Variants in ABCA5 observed in about 807,000 individuals in gnomAD.
ABCA5 encodes cholesterol transporter ABCA5.
A neutral mutation model predicts 206.0 loss-of-function variants in ABCA5; 163 were observed. The observed-to-expected ratio is 0.79, with a 90% confidence interval of 0.70 to 0.90. The LOEUF (loss-of-function observed/expected upper bound fraction) is 0.90, where lower values mean the gene tolerates loss of function less well. ABCA5 is among the 40% of genes least tolerant of loss of function. ABCA5 has a pLI of 0.00. For synonymous variants in ABCA5, 609 were observed against 613.8 expected (o/e 0.99, Z 0.11); for missense variants, 1,859 against 1,912.9 (o/e 0.97, Z 0.53).
intron 19 of ABCA5, among the ~76,000 whole-genome samples, chr17:69,274,519 C>G (rs1333874076): frequency 2.0e-5 from 3 of 150,380 alleles, no homozygotes; most frequent in Non-Finnish European, 4.4e-5. Context: ...CCACCTTGAC[C>G]AGCCTACATT....
At chr17:69,306,293 A>C (rs2075715759) in intron 6 of ABCA5, among the ~76,000 whole-genome samples, 1 of 152,156 alleles carries the variant, frequency 6.6e-6, no homozygotes, top group African/African-American at 2.4e-5. Flanking sequence ...TACAGACTTT[A>C]ATCACTATAA....
chr17:69,319,179 C>G (rs1370086032), intron 1 of ABCA5, among the ~76,000 whole-genome samples: 1 of 152,200 alleles, frequency 6.6e-6, no homozygotes, highest in Non-Finnish European at 1.5e-5. Context: ...GAAAGCTGTA[C>G]TCATTCAAGC....
At position 69,261,238 on chromosome 17, in the gene ABCA5, T is replaced by C. The variant is rs1233491442; in HGVS notation, c.3451A>G (p.Ile1151Val). The change falls in exon 26 of 39, where the codon ATC becomes GTC. Residue 1151 changes from isoleucine to valine, a missense_variant. Physicochemically the swap from Ile to Val is conservative, Grantham distance 29. Transcript: ENST00000392676. ...CCCATAAAGAAAGTTATTTCAGTGA[T>C]TGCAATACAAGCCAACGCTGCCTAA... ...YSVAALACIA[I>V]TEITFFMGYT... 4.4e-6 allele frequency: 7 copies of C among 1,606,238 alleles called. No homozygotes were observed. The highest frequency in any genetic ancestry group is 1.3e-5 in the African/African-American group (1 of 74,706).
At chr17:69,276,861 C>T (rs1000450061) in intron 19 of ABCA5, among the ~76,000 whole-genome samples, 4 of 151,994 alleles carry the variant, frequency 2.6e-5, no homozygotes, top group African/African-American at 7.3e-5. Context: ...TCAGTAATGC[C>T]GACCAGGGAA....
intron 1 of ABCA5, chr17:69,325,860 T>C (rs989425128): frequency 6.6e-6 from 1 of 151,852 alleles, no homozygotes; most frequent in Non-Finnish European, 1.5e-5. Context: ...AATGTACTAA[T>C]AAATTTGCTC....
chr17:69,303,785 A>AAT lies in ABCA5; in HGVS notation c.931-881_931-880dup, dbSNP rs1182494562. On this transcript the variant is annotated intron_variant, in intron 7 of 38. Coordinates refer to ENST00000392676, the MANE Select transcript of ABCA5 (RefSeq NM_172232.4). ...AAAAAAAAAAAAAAAAAAAAAAAAAAATATATATATATATATATATATACA... is the reference window on the plus strand; with the variant it reads ...AAAAAAAAAAAAAAAAAAAAAAAAAAATATATATATATATATATATATATACA... Among the ~76,000 whole-genome samples the AAT allele has an allele frequency of 8.4e-3, 40 of 4,742 alleles. 2 individuals carry two copies. Among genetic ancestry groups the AAT allele is most frequent in the African/African-American group, 9.7e-3 (40 of 4,134 alleles). The allele number at this position is 4,742 out of a possible 152,430, so 3.1% of individuals were successfully genotyped here. A position where few individuals can be genotyped will look rare whatever the true frequency, so the allele number is the denominator to read the frequency against.
chr17:69,300,330 G>A (rs917367672), intron 9 of ABCA5, among the ~76,000 whole-genome samples: 3 of 152,190 alleles, frequency 2.0e-5, no homozygotes, highest in Non-Finnish European at 4.4e-5. Flanking sequence ...GGTAATGCAA[G>A]CAATGAGGAG....
intron 1 of ABCA5, among the ~76,000 whole-genome samples, chr17:69,324,549 G>A (rs1444810547): frequency 3.3e-5 from 5 of 152,300 alleles, no homozygotes; most frequent in South Asian, 4.1e-4. Flanking sequence ...TCACAACTGT[G>A]AGTCATGTTT....
chr17:69,278,465 G>C (rs2075357124), intron 18 of ABCA5, among the ~76,000 whole-genome samples: 1 of 152,148 alleles, frequency 6.6e-6, no homozygotes, highest in African/African-American at 2.4e-5. Context: ...CTCAGGCTCA[G>C]TTTTCAGCCA....
rs2075262424 is a variant in ABCA5 at position 69,270,665 on chromosome 17, T to C, written c.2978A>G (p.Tyr993Cys). ...GATGGTTTCAGTCACATTTAAATGA[T>C]AAAGATAGTAGTTACTAATGATATT... is the stretch of plus-strand genomic sequence containing the variant. ...LVNIISNYYL[Y>C]HLNVTETIQI... The change falls in exon 22 of 39, where the codon TAT (tyrosine) becomes TGT (cysteine). Residue 993 changes from tyrosine (Y) to cysteine (C), a missense_variant. Physicochemically the swap from Tyr to Cys is radical, Grantham distance 194. Transcript: ENST00000392676. 6.2e-7 allele frequency: 1 copy of C among 1,603,404 alleles called. No homozygotes were observed. Among genetic ancestry groups the C allele is most frequent in the South Asian group, 1.1e-5 (1 of 88,522 alleles).
intron 1 of ABCA5, among the ~76,000 whole-genome samples, chr17:69,324,513 C>T (rs1329623592): frequency 2.0e-5 from 3 of 152,172 alleles, no homozygotes; most frequent in Admixed American, 6.5e-5. Context: ...AATTTGTGCA[C>T]TCATATCTTT....
chr17:69,313,410 T>C, intron 2 of ABCA5, 114 bp from the exon 3 acceptor site: 1 of 393,938 alleles, frequency 2.5e-6, no homozygotes, highest in Non-Finnish European at 3.9e-6. Context: ...GGTTGTCCTT[T>C]CTTATGAATA....
At chr17:69,281,853 T>C (rs2075397060) in intron 18 of ABCA5, among the ~76,000 whole-genome samples, 2 of 152,210 alleles carry the variant, frequency 1.3e-5, no homozygotes, top group Non-Finnish European at 2.9e-5. Flanking sequence ...ATTCTTGACT[T>C]TGGTATCACA....
chr17:69,256,313 G>A (rs375518324), intron 28 of ABCA5, 30 bp from the exon 29 acceptor site: 3 of 1,412,860 alleles, frequency 2.1e-6, no homozygotes, highest in African/African-American at 1.5e-5. Flanking sequence ...ATAAAAGACA[G>A]TAGGTTTTCA....
chr17:69,317,588 G>A (rs963812388), intron 1 of ABCA5: 1 of 152,040 alleles, frequency 6.6e-6, no homozygotes, highest in African/African-American at 2.4e-5. Flanking sequence ...TCAGAGGCCA[G>A]GGAGAGTAAA....
intron 14 of ABCA5, 113 bp from the exon 15 acceptor site, chr17:69,287,864 A>T: frequency 9.8e-7 from 1 of 1,018,608 alleles, no homozygotes; most frequent in Middle Eastern, 2.6e-4. Flanking sequence ...TCAATCAGAA[A>T]TATATTAGAT....
At position 69,291,315 on chromosome 17, in the gene ABCA5, C is replaced by T; in HGVS notation, c.1507G>A (p.Asp503Asn). 6.3e-7 allele frequency: 1 copy of T among 1,597,904 alleles called. No homozygotes were observed. Among genetic ancestry groups the T allele is most frequent in the Non-Finnish European group, 8.6e-7 (1 of 1,167,432 alleles). ...NVEALRNLSF[D>N]IYEGQITALL... is the part of the protein sequence containing the mutation. ...GCAGTAATCTGACCCTCATATATGTCAAATGACAAATCTAGTTCAGGAAAA... is the reference window on the plus strand; with the variant it reads ...GCAGTAATCTGACCCTCATATATGTTAAATGACAAATCTAGTTCAGGAAAA... Residue 503 changes from aspartate (D) to asparagine (N), a missense_variant, in exon 12 of 39, where the codon GAC (aspartate) becomes AAC (asparagine). Transcript: ENST00000392676.
chr17:69,262,018 TTATTA>T (rs1482989955), intron 24 of ABCA5, among the ~76,000 whole-genome samples: 4 of 77,896 alleles, frequency 5.1e-5, no homozygotes, highest in African/African-American at 8.9e-5. Context: ...AAGAAAAACA[TTATTA>T]TTTTATATGG....
chr17:69,287,664 G>A lies in ABCA5; in HGVS notation c.1990C>T (p.Arg664Trp), dbSNP rs375901989. ...AAATGAGTACTGAACACTGTCACCC[G>A]ATTGGCTTTTCTGTATTTTAAAAGA... is the stretch of plus-strand genomic sequence containing the variant. ...WNLLKYRKAN[R>W]VTVFSTHFMD... Residue 664 changes from arginine to tryptophan, a missense_variant, in exon 15 of 39, where the codon CGG becomes TGG. Transcript: ENST00000392676. 1.1e-5 allele frequency: 18 copies of A among 1,613,746 alleles called. No homozygotes were observed. The highest frequency in any genetic ancestry group is 6.7e-5 in the African/African-American group (5 of 75,012).
Sources: gnomAD v4.1 joint callset for allele counts (sites outside exome capture counted in the v4.1 genomes callset) on GRCh38, gnomAD v4.1.1 for gene constraint, MANE v1.5 for transcripts, NCBI Gene and HGNC (gene_info 2026-07-23, HGNC 2026-07-21) for gene names.